CCSER1: variants seen among roughly 807,000 people sequenced by gnomAD.
CCSER1 encodes the protein serine-rich coiled-coil domain-containing protein 1.
A neutral mutation model predicts 82.0 loss-of-function variants in CCSER1; 41 were observed. The ratio of observed to expected loss-of-function variants is 0.50; its 90% CI spans 0.39 to 0.65. CCSER1 has a LOEUF of 0.65. Among genes scored for constraint, CCSER1 ranks in the 30% least tolerant of loss-of-function variants. The pLI, the probability that CCSER1 is intolerant of heterozygous loss-of-function variation, is 0.00. For synonymous variants in CCSER1, 414 were observed against 383.9 expected (o/e 1.08, Z -0.92); for missense variants, 1,119 against 1,064.2 (o/e 1.05, Z -0.72).
intron 10 of CCSER1, among the ~76,000 whole-genome samples, chr4:91,315,358 A>G (rs180872361): frequency 1.3e-5 from 2 of 151,958 alleles, no homozygotes; most frequent in Admixed American, 1.3e-4. Context: ...TCCTTGTAAT[A>G]TGTTATGAAC....
At chr4:90,435,327 C>G (rs1349783976) in intron 4 of CCSER1, among the ~76,000 whole-genome samples, 1 of 151,580 alleles carries the variant, frequency 6.6e-6, no homozygotes. Context: ...TGATATTGGG[C>G]CATTCAATTC....
At chr4:90,276,238 CT>C (rs768824138) in intron 1 of CCSER1, among the ~76,000 whole-genome samples, 5 of 111,180 alleles carry the variant, frequency 4.5e-5, no homozygotes, top group African/African-American at 7.3e-5. Flanking sequence ...TTCTTTCTTT[CT>C]TTCTTTCTTT....
At chr4:90,508,759 T>C (rs1465741263) in intron 5 of CCSER1, among the ~76,000 whole-genome samples, 5 of 152,034 alleles carry the variant, frequency 3.3e-5, no homozygotes, top group Non-Finnish European at 5.9e-5. Flanking sequence ...AGCTTAATTA[T>C]AGTATAATTA....
chr4:90,407,134 G>T (rs980953594), intron 4 of CCSER1, among the ~76,000 whole-genome samples: 3 of 152,118 alleles, frequency 2.0e-5, no homozygotes, highest in Non-Finnish European at 2.9e-5. Flanking sequence ...ACCTAGAAAA[G>T]AAGAGAGAAA....
At chr4:90,604,595 GC>G (rs1784398920) in intron 5 of CCSER1, among the ~76,000 whole-genome samples, 2 of 152,196 alleles carry the variant, frequency 1.3e-5, no homozygotes, top group Non-Finnish European at 2.9e-5. Context: ...CGAGCTGCCC[GC>G]TTCCGGGATC....
intron 8 of CCSER1, among the ~76,000 whole-genome samples, chr4:90,846,346 G>A (rs1473128236): frequency 6.6e-6 from 1 of 152,120 alleles, no homozygotes; most frequent in African/African-American, 2.4e-5. Flanking sequence ...CATCCTCACA[G>A]AATCTGTTTG....
At chr4:91,004,154 C>A (rs554077567) in intron 9 of CCSER1, among the ~76,000 whole-genome samples, 1 of 152,120 alleles carries the variant, frequency 6.6e-6, no homozygotes, top group Non-Finnish European at 1.5e-5. Flanking sequence ...TTATTCCTGC[C>A]GAGGTTCTAG....
intron 10 of CCSER1, among the ~76,000 whole-genome samples, chr4:91,237,702 A>G (rs1279426898): frequency 1.3e-5 from 2 of 151,800 alleles, no homozygotes. Context: ...TAGATTGGGG[A>G]GAGAGAGAGA....
chr4:90,521,061 T>C (rs1318546845), intron 5 of CCSER1, among the ~76,000 whole-genome samples: 1 of 152,218 alleles, frequency 6.6e-6, no homozygotes. Flanking sequence ...ATACGCATTC[T>C]AGGAGTTGAT....
intron 5 of CCSER1, among the ~76,000 whole-genome samples, chr4:90,600,896 C>T (rs534236501): frequency 6.6e-6 from 1 of 151,724 alleles, no homozygotes; most frequent in African/African-American, 2.4e-5. Context: ...TTTTAGTTTT[C>T]TTTCATATTT....
Position 91,173,419 on chromosome 4 carries a change from C to A in CCSER1, c.2217+87425C>A, listed in dbSNP as rs570779401. Reference sequence around the variant, plus strand: ...ACCATCTTGGCTAACACGGTGAAACCCCGTCTCTACTGAAAATACAAAAAA... The same window carrying A: ...ACCATCTTGGCTAACACGGTGAAACACCGTCTCTACTGAAAATACAAAAAA... On this transcript the variant is annotated intron_variant, in intron 10 of 10. Transcript: ENST00000509176. 5.3e-4 allele frequency among the ~76,000 whole-genome samples: 80 copies of A among 151,996 alleles called. 1 individual carries two copies. In the South Asian group the frequency reaches 0.014, roughly 26 times the overall value.
chr4:90,187,781 A>G (rs1487850898), intron 1 of CCSER1, among the ~76,000 whole-genome samples: 4 of 151,992 alleles, frequency 2.6e-5, no homozygotes, highest in Non-Finnish European at 4.4e-5. Flanking sequence ...AGGACTGGTG[A>G]TATTTTTAAA....
intron 1 of CCSER1, among the ~76,000 whole-genome samples, chr4:90,185,304 A>G (rs1468605526): frequency 6.6e-6 from 1 of 152,004 alleles, no homozygotes; most frequent in Non-Finnish European, 1.5e-5. Context: ...CTGGCAGCCT[A>G]CTATTATAGA....
intron 10 of CCSER1, among the ~76,000 whole-genome samples, chr4:91,110,599 G>T (rs1726013820): frequency 6.6e-6 from 1 of 150,872 alleles, no homozygotes; most frequent in Non-Finnish European, 1.5e-5. Flanking sequence ...CTGTAATATT[G>T]TGCTTATCAC....
chr4:90,933,132 A>AGTGTGTGTGTGTGTGTGTGTGTGTGTGT (rs536402295), intron 9 of CCSER1, among the ~76,000 whole-genome samples: 1 of 70,170 alleles, frequency 1.4e-5, no homozygotes, highest in African/African-American at 7.2e-5. Flanking sequence ...GTTACCTAGA[A>AGTGTGTGTGTGTGTGTGTGTGTGTGTGT]GTGTGTGTGT....
intron 4 of CCSER1, among the ~76,000 whole-genome samples, chr4:90,450,023 C>A (rs371872523): frequency 2.0e-5 from 3 of 152,214 alleles, no homozygotes; most frequent in Non-Finnish European, 4.4e-5. Context: ...TGCTATCAAT[C>A]CCCCTTCTGA....
chr4:91,326,093 C>A (rs750069207), intron 10 of CCSER1, among the ~76,000 whole-genome samples: 4 of 151,576 alleles, frequency 2.6e-5, no homozygotes, highest in Non-Finnish European at 5.9e-5. Flanking sequence ...TTAATAAAAT[C>A]CTGCTCAGTA....
intron 9 of CCSER1, among the ~76,000 whole-genome samples, chr4:90,932,982 G>GAGAGAGAGAGAGAAAGAA (rs1730228082): frequency 5.3e-5 from 1 of 18,856 alleles, no homozygotes; most frequent in South Asian, 1.5e-3. Flanking sequence ...AAGAAAGAAA[G>GAGAGAGAGAGAGAAAGAA]AGAAAGAAAG....
chr4:90,205,761 C>A (rs915930588), intron 1 of CCSER1, among the ~76,000 whole-genome samples: 2 of 152,106 alleles, frequency 1.3e-5, no homozygotes, highest in Admixed American at 6.5e-5. Flanking sequence ...GGAATAGTTT[C>A]AAAAGTAATG....
Sources: gnomAD v4.1 joint callset for allele counts (sites outside exome capture counted in the v4.1 genomes callset) on GRCh38, gnomAD v4.1.1 for gene constraint, MANE v1.5 for transcripts, NCBI Gene and HGNC (gene_info 2026-07-23, HGNC 2026-07-21) for gene names.